The following FAM53A variants were observed in gnomAD, a reference collection of about 807,000 sequenced individuals.
FAM53A encodes the protein protein FAM53A.
A neutral mutation model predicts 26.6 loss-of-function variants in FAM53A; 28 were observed. That is an observed-to-expected ratio of 1.05 (90% CI 0.78 to 1.45). FAM53A has a LOEUF of 1.45. Ranked by LOEUF, FAM53A falls within the 40% of genes most tolerant of loss-of-function variation. The pLI is 0.00. For synonymous variants in FAM53A, 290 were observed against 253.1 expected, an observed-to-expected ratio of 1.15 and a Z score of -1.38; for missense variants, 650 against 575.8, an observed-to-expected ratio of 1.13 and a Z score of -1.32.
intron 4 of FAM53A, among the ~76,000 whole-genome samples, chr4:1,641,892 G>A (rs375228621): frequency 2.6e-5 from 4 of 152,112 alleles, no homozygotes; most frequent in East Asian, 1.9e-4. Flanking sequence ...CAGACCCAAC[G>A]GACCAGGTTG....
At chr4:1,608,694 A>T in the FAM53A span, among the ~76,000 whole-genome samples, 1 of 151,924 alleles carries the variant, frequency 6.6e-6, no homozygotes, top group Non-Finnish European at 1.5e-5. Flanking sequence ...CCCGCTGCCC[A>T]CCAGTGCCTG....
At chr4:1,627,591 C>T (rs1450378074) in intron 1 of FAM53A, among the ~76,000 whole-genome samples, 2 of 152,202 alleles carry the variant, frequency 1.3e-5, no homozygotes, top group Non-Finnish European at 2.9e-5. Context: ...TCCCATCCGC[C>T]GTGGGCCTGA....
At chr4:1,649,170 A>AGGGAAGGGGAAAGGGAAG (rs1262441124) in intron 4 of FAM53A, among the ~76,000 whole-genome samples, 2 of 73,258 alleles carry the variant, frequency 2.7e-5, no homozygotes, top group African/African-American at 1.1e-4. Context: ...GGAAGGGGAA[A>AGGGAAGGGGAAAGGGAAG]GGGAAAGGGA....
intron 1 of FAM53A, among the ~76,000 whole-genome samples, chr4:1,677,234 G>A (rs2109052039): frequency 6.6e-6 from 1 of 152,294 alleles, no homozygotes; most frequent in African/African-American, 2.4e-5. Context: ...AATGCTCAAG[G>A]CGCCTCAAGC....
downstream of FAM53A, among the ~76,000 whole-genome samples, chr4:1,636,105 C>T (rs1715826789): frequency 6.6e-6 from 1 of 152,070 alleles, no homozygotes; most frequent in Admixed American, 6.6e-5. Flanking sequence ...CCTCAGCCTC[C>T]CAAAGTGCTG....
chr4:1,583,530 C>CCTCATGTGCTTCTCACACGT, the FAM53A span, among the ~76,000 whole-genome samples: 3 of 152,244 alleles, frequency 2.0e-5, no homozygotes, highest in African/African-American at 7.2e-5. Flanking sequence ...TGCATGATCA[C>CCTCATGTGCTTCTCACACGT]CTCATGTGCT....
At chr4:1,599,286 C>T in the FAM53A span, among the ~76,000 whole-genome samples, 1 of 49,288 alleles carries the variant, frequency 2.0e-5, no homozygotes, top group Non-Finnish European at 6.8e-5. The surrounding 1 kb of genome is among the most constrained non-coding windows in gnomAD (Gnocchi z 6.1). Flanking sequence ...TCCAGGGTGC[C>T]GGAGCTCAGG....
intron 1 of FAM53A, among the ~76,000 whole-genome samples, chr4:1,673,969 G>A (rs767650195): frequency 7.2e-5 from 11 of 152,246 alleles, no homozygotes; most frequent in South Asian, 2.1e-4. Context: ...TGCATTTCCT[G>A]CAGGAAGGAA....
chr4:1,634,917 A>AT (rs1715772389), downstream of FAM53A, among the ~76,000 whole-genome samples: 5 of 152,226 alleles, frequency 3.3e-5, no homozygotes, highest in African/African-American at 7.2e-5. Context: ...AAAAAAATAA[A>AT]AAAATAAAAT....
At position 1,630,554 on chromosome 4, in the gene FAM53A, G is replaced by A. The variant is rs937926284; in HGVS notation, c.432-12443C>T. 3.9e-5 allele frequency among the ~76,000 whole-genome samples: 6 copies of A among 152,248 alleles called. No homozygotes were observed. Among genetic ancestry groups the A allele is most frequent in the African/African-American group, 1.4e-4 (6 of 41,530 alleles). On this transcript the variant is annotated intron_variant, in intron 1 of 1. Transcript: ENST00000489029. The surrounding 1 kb of genome is among the most constrained non-coding windows in gnomAD (Gnocchi z 4.3). ...TACAAAAATACACGCCCCGGGCCCC[G>A]TTCAGCCAGTCCGTCCCACACCTGA...
chr4:1,684,818 T>G (rs1715710030), upstream of FAM53A, among the ~76,000 whole-genome samples: 1 of 152,154 alleles, frequency 6.6e-6, no homozygotes, highest in Admixed American at 6.5e-5. Flanking sequence ...ACCTGCACAG[T>G]GTGAATTAGG....
Position 1,675,764 on chromosome 4 carries a change from G to T in FAM53A, c.-164-6859C>A, listed in dbSNP as rs114851874. Among the ~76,000 whole-genome samples the T allele has an allele frequency of 3.2e-3, 485 of 152,274 alleles. 2 individuals are homozygous for T. Among genetic ancestry groups the T allele is most frequent in the African/African-American group, 0.011 (468 of 41,558 alleles). ...CCAGAAACAGCCTCCTCAGCCCTTA[G>T]GACAGAGGCCAAAATCCTCACCCTG... On this transcript the variant is annotated intron_variant, in intron 1 of 4. Coordinates refer to ENST00000308132, the MANE Select transcript of FAM53A (RefSeq NM_001174070.3).
downstream of FAM53A, among the ~76,000 whole-genome samples, chr4:1,615,162 A>G (rs1017179330): frequency 2.7e-5 from 4 of 149,568 alleles, no homozygotes; most frequent in African/African-American, 9.9e-5. Flanking sequence ...TACACACGGA[A>G]GACAGGATGC....
At chr4:1,646,612 G>A (rs2108839285) in intron 4 of FAM53A, among the ~76,000 whole-genome samples, 1 of 152,254 alleles carries the variant, frequency 6.6e-6, no homozygotes, top group East Asian at 1.9e-4. Context: ...TTGCGCTCTC[G>A]TGACTGAGGC....
chr4:1,685,880 C>A (rs1715784801), upstream of FAM53A, among the ~76,000 whole-genome samples: 1 of 152,182 alleles, frequency 6.6e-6, no homozygotes, highest in Non-Finnish European at 1.5e-5. Context: ...CCCATGGCAG[C>A]CCCTCCTGAG....
chr4:1,608,234 G>A, the FAM53A span, among the ~76,000 whole-genome samples: 164 of 151,762 alleles, frequency 1.1e-3, no homozygotes, highest in Admixed American at 4.2e-3. Flanking sequence ...CGGCCTCTCC[G>A]ATCTTCTATG....
downstream of FAM53A, among the ~76,000 whole-genome samples, chr4:1,614,454 CATGCAGAGACGTGAGGGGG>C (rs1714737099): frequency 3.7e-5 from 3 of 81,016 alleles, no homozygotes; most frequent in Non-Finnish European, 6.5e-5. Context: ...ACATGAGGGG[CATGCAGAGACGTGAGGGGG>C]ATGCAGAGAC....
downstream of FAM53A, among the ~76,000 whole-genome samples, chr4:1,637,339 G>A (rs1013408681): frequency 3.3e-5 from 5 of 152,196 alleles, no homozygotes; most frequent in Admixed American, 6.5e-5. Flanking sequence ...GAGGCTCCCA[G>A]CCAGGCCGTC....
intron 1 of FAM53A, among the ~76,000 whole-genome samples, chr4:1,631,407 C>T (rs1715606850): frequency 1.3e-5 from 2 of 152,230 alleles, no homozygotes; most frequent in African/African-American, 4.8e-5. Context: ...CGTTCCCACA[C>T]ATGCTAACCT....
Sources: allele counts gnomAD v4.1 joint callset (sites outside exome capture counted in the v4.1 genomes callset), GRCh38; gene constraint gnomAD v4.1.1; non-coding constraint Gnocchi (gnomAD v3.1); transcripts MANE v1.5; gene names NCBI Gene and HGNC (gene_info 2026-07-23, HGNC 2026-07-21).